NFASC: variants seen among roughly 807,000 people sequenced by gnomAD.
NFASC encodes the protein neurofascin.
A neutral mutation model predicts 147.5 loss-of-function variants in NFASC; 43 were observed. The observed-to-expected ratio is 0.29, with a 90% confidence interval of 0.23 to 0.38. The LOEUF (loss-of-function observed/expected upper bound fraction) is 0.38. NFASC is among the 10% of genes least tolerant of loss of function. The pLI, the probability that NFASC is intolerant of heterozygous loss-of-function variation, is 1.00. For synonymous variants in NFASC, 622 were observed against 665.5 expected (o/e 0.93, Z 1.01); for missense variants, 1,320 against 1,689.0 (o/e 0.78, Z 3.83).
chr1:204,870,081 C>G (rs1432856646), intron 1 of NFASC, among the ~76,000 whole-genome samples: 1 of 152,172 alleles, frequency 6.6e-6, no homozygotes, highest in Non-Finnish European at 1.5e-5. Flanking sequence ...GCCTTACACT[C>G]TAGGAGAATC....
intron 1 of NFASC, among the ~76,000 whole-genome samples, chr1:204,914,135 G>A (rs1191268825): frequency 2.0e-5 from 3 of 152,170 alleles, no homozygotes; most frequent in African/African-American, 7.2e-5. Context: ...GAGTTTCCTA[G>A]TAAAAGAAGT....
At chr1:204,875,073 T>TTTGTTGTTGTTGTTG (rs3046329) in intron 1 of NFASC, among the ~76,000 whole-genome samples, 10 of 150,852 alleles carry the variant, frequency 6.6e-5, no homozygotes, top group African/African-American at 1.7e-4. Context: ...GTGGGTCTGC[T>TTTGTTGTTGTTGTTG]TTGTTGTTGT....
chr1:204,833,882 G>T (rs897067355), intron 1 of NFASC, among the ~76,000 whole-genome samples: 2 of 152,160 alleles, frequency 1.3e-5, no homozygotes, highest in Non-Finnish European at 2.9e-5. Context: ...GCAAAATGGG[G>T]ATATTAATAT....
At chr1:204,924,361 G>A (rs777987731) in intron 2 of NFASC, among the ~76,000 whole-genome samples, 7 of 152,204 alleles carry the variant, frequency 4.6e-5, no homozygotes, top group Admixed American at 2.6e-4. Flanking sequence ...CTATGCTCCC[G>A]CTTATCACAT....
chr1:204,834,839 G>A (rs1673220861), intron 1 of NFASC, among the ~76,000 whole-genome samples: 2 of 152,232 alleles, frequency 1.3e-5, no homozygotes, highest in Middle Eastern at 3.4e-3. Context: ...TTGGAGGAAG[G>A]CTGCGTGAAT....
chr1:204,968,118 C>T lies in NFASC; in HGVS notation c.707-131C>T, dbSNP rs773286401. On this transcript the variant is annotated intron_variant, in intron 8 of 29. Coordinates refer to ENST00000339876, the MANE Select transcript of NFASC (RefSeq NM_001005388.3). This position sits in a 1 kb window ranked among gnomAD's most constrained non-coding sequence, Gnocchi z 5.4. ...CACCTCACTTAATGATGCCCAAGTC[C>T]TTGGGATGGTTTCAGCTGGGAGGAT... The T allele has an allele frequency of 2.5e-5, 17 of 681,680 alleles. No individual in the cohort carries two copies. The highest frequency in any genetic ancestry group is 3.2e-5 in the Non-Finnish European group (12 of 378,238). The allele number at this position is 681,680 out of a possible 1,614,324, so 42.2% of individuals were successfully genotyped here.
chr1:204,959,477 A>G (rs1454518405), intron 8 of NFASC, among the ~76,000 whole-genome samples: 1 of 152,236 alleles, frequency 6.6e-6, no homozygotes, highest in African/African-American at 2.4e-5. Flanking sequence ...TGGGAAGGAC[A>G]GTGTAGTCTG....
intron 1 of NFASC, among the ~76,000 whole-genome samples, chr1:204,907,428 C>T (rs1215502859): frequency 2.0e-5 from 3 of 152,144 alleles, no homozygotes; most frequent in Non-Finnish European, 4.4e-5. Flanking sequence ...AGTAATGTCT[C>T]TCAAACAGCT....
intron 1 of NFASC, among the ~76,000 whole-genome samples, chr1:204,831,751 C>T (rs894213186): frequency 3.9e-5 from 6 of 151,920 alleles, no homozygotes; most frequent in Non-Finnish European, 7.4e-5. Context: ...AACGTAAGGC[C>T]GGTTTCATAC....
intron 24 of NFASC, among the ~76,000 whole-genome samples, chr1:204,995,315 A>AGTGTGT (rs60921990): frequency 0.01 from 1,472 of 140,858 alleles, 11 homozygotes; most frequent in Admixed American, 0.014. Flanking sequence ...ATGTGTGCAC[A>AGTGTGT]GTGTGTGTGT....
intron 25 of NFASC, chr1:204,998,412 C>T (rs1230892788): frequency 4.6e-5 from 7 of 152,280 alleles, no homozygotes; most frequent in Admixed American, 4.6e-4. Flanking sequence ...CCTTTACCTT[C>T]CAAGGCCTCC....
intron 5 of NFASC, among the ~76,000 whole-genome samples, chr1:204,953,339 C>T (rs187247654): frequency 6.6e-5 from 10 of 152,346 alleles, no homozygotes; most frequent in Non-Finnish European, 8.8e-5. Flanking sequence ...CTCTATCCCC[C>T]AGACTGGAGT....
In NFASC at chr1:205,015,400, T is replaced by C. The variant is rs138085918; in HGVS notation, c.3492-908T>C. 1.2e-3 allele frequency among the ~76,000 whole-genome samples: 178 copies of C among 152,332 alleles called. No individual in the cohort carries two copies. The highest frequency in any genetic ancestry group is 2.3e-3 in the South Asian group (11 of 4,828). ...AGCCAGCACCACCTGGTCCCCACTC[T>C]GAGCCTTTCCAGCCAAGGGAAGGGA... On this transcript the variant is annotated intron_variant, in intron 29 of 29. Coordinates refer to ENST00000339876, the MANE Select transcript of NFASC (RefSeq NM_001005388.3). The surrounding 1 kb of genome is among the most constrained non-coding windows in gnomAD (Gnocchi z 4.0).
rs2095213593 is a variant in NFASC, at chr1:204,970,746, A to T, written c.1134A>T (p.Gln378His). 2 of 1,614,038 alleles carry T rather than the reference A, an allele frequency of 1.2e-6. No homozygotes were observed. The highest frequency in any genetic ancestry group is 1.7e-6 in the Non-Finnish European group (2 of 1,180,018). The change falls in exon 11 of 30, where the codon CAA (glutamine) becomes CAT (histidine). Residue 378 changes from glutamine (Q) to histidine (H), a missense_variant and splice_region_variant. Transcript: ENST00000339876. ...GGATGGTGAATGGGGAACCTTTGCA[A>T]TGTAAGTAGCGAGCTGTTGTCCCAT... Reference protein sequence around the residue: ...VQWMVNGEPLQSAPPNPNREV... With the variant: ...VQWMVNGEPLHSAPPNPNREV...
rs765094648 is a variant in NFASC, at chr1:205,012,764, G to A, written c.3422-33G>A. The A allele has an allele frequency of 2.4e-5, 37 of 1,525,386 alleles. 1 individual carries two copies. The highest frequency in any genetic ancestry group is 4.5e-5 in the South Asian group (4 of 89,348). 94.5% of individuals were successfully genotyped at this position (1,525,386 alleles called of 1,614,324 possible). On this transcript the variant is annotated intron_variant, in intron 28 of 29. Transcript: ENST00000339876. Reference sequence around the variant, plus strand: ...GAGCAGGGGCATGTACTTAATCGTCGTGTCTGTGTCTTTGCTTCTCCTTTT... The same window carrying A: ...GAGCAGGGGCATGTACTTAATCGTCATGTCTGTGTCTTTGCTTCTCCTTTT...
chr1:204,957,578 G>T (rs2094486246), intron 7 of NFASC, 78 bp from the exon 8 acceptor site: 1 of 1,406,874 alleles, frequency 7.1e-7, no homozygotes, highest in Non-Finnish European at 1.0e-6. Flanking sequence ...TCTGTAAAGT[G>T]TTCTGTCGCC....
rs376076648 is a variant in NFASC at position 204,838,784 on chromosome 1, G to A, written c.-200+10002G>A. On this transcript the variant is annotated intron_variant, in intron 1 of 29. Coordinates refer to ENST00000339876, the MANE Select transcript of NFASC (RefSeq NM_001005388.3). Reference sequence around the variant, plus strand: ...ACAGTCATCCCGTTTATCTGGTATAGTGAACATGGCCCAGGGTGGGGGTAC... The same window carrying A: ...ACAGTCATCCCGTTTATCTGGTATAATGAACATGGCCCAGGGTGGGGGTAC... 3.3e-5 allele frequency among the ~76,000 whole-genome samples: 5 copies of A among 152,254 alleles called. 1 individual carries two copies. The East Asian group carries it at 7.7e-4, about 23-fold the overall frequency.
intron 1 of NFASC, among the ~76,000 whole-genome samples, chr1:204,909,464 G>A (rs897519180): frequency 6.6e-6 from 1 of 151,908 alleles, no homozygotes; most frequent in Admixed American, 6.6e-5. Context: ...TGCCTCTACT[G>A]CTGAATTTTG....
intron 1 of NFASC, among the ~76,000 whole-genome samples, chr1:204,883,847 G>C (rs1415846606): frequency 6.6e-6 from 1 of 152,172 alleles, no homozygotes; most frequent in Non-Finnish European, 1.5e-5. Flanking sequence ...CCTCCATGCT[G>C]CAGGGATGAG....
Sources: gnomAD v4.1 joint callset for allele counts (sites outside exome capture counted in the v4.1 genomes callset) on GRCh38, gnomAD v4.1.1 for gene constraint, Gnocchi (gnomAD v3.1) non-coding constraint, MANE v1.5 for transcripts, NCBI Gene and HGNC (gene_info 2026-07-23, HGNC 2026-07-21) for gene names.